MARCHF4: variants seen among roughly 807,000 people sequenced by gnomAD.
MARCHF4 encodes the protein membrane associated ring-CH-type finger 4.
Under a neutral mutation model 43.9 loss-of-function variants are expected in MARCHF4, and 14 were observed. That is an observed-to-expected ratio of 0.32 (90% confidence interval 0.21 to 0.50). The LOEUF is 0.50. Ranked by LOEUF, MARCHF4 falls within the 20% of genes least tolerant of loss-of-function variation. The pLI, the probability that MARCHF4 is intolerant of heterozygous loss-of-function variation, is 0.98. For missense variants in MARCHF4, 468 were observed against 536.7 expected (o/e 0.87, Z 1.27); for synonymous variants, 226 against 213.3 (o/e 1.06, Z -0.52).
At chr2:216,313,341 C>T (rs539452718) in intron 1 of MARCHF4, among the ~76,000 whole-genome samples, 1 of 152,172 alleles carries the variant, frequency 6.6e-6, no homozygotes, top group East Asian at 1.9e-4. Context: ...AGTTGCATTC[C>T]TTTGATTATT....
intron 1 of MARCHF4, among the ~76,000 whole-genome samples, chr2:216,306,837 TCTC>T (rs1449880098): frequency 6.6e-6 from 1 of 151,188 alleles, no homozygotes; most frequent in Non-Finnish European, 1.5e-5. Flanking sequence ...GGTGTTAAAA[TCTC>T]CTTTTTTTTC....
intron 3 of MARCHF4, among the ~76,000 whole-genome samples, chr2:216,272,259 G>A (rs1261557167): frequency 6.6e-6 from 1 of 152,068 alleles, no homozygotes; most frequent in Non-Finnish European, 1.5e-5. Context: ...GTCTTATAGG[G>A]AGATAAACCA....
At chr2:216,363,016 C>T (rs965543051) in intron 1 of MARCHF4, among the ~76,000 whole-genome samples, 2 of 152,136 alleles carry the variant, frequency 1.3e-5, no homozygotes, top group Admixed American at 6.5e-5. Flanking sequence ...CTCCCTCCAA[C>T]CTCCTCTCCC....
intron 1 of MARCHF4, among the ~76,000 whole-genome samples, chr2:216,306,973 C>CTCTG (rs1235804525): frequency 3.3e-5 from 5 of 152,044 alleles, no homozygotes; most frequent in African/African-American, 1.2e-4. Context: ...TCCTCTCTCT[C>CTCTG]TCTCTCACAC....
chr2:216,334,712 C>T (rs544203176), intron 1 of MARCHF4, among the ~76,000 whole-genome samples: 1 of 152,242 alleles, frequency 6.6e-6, no homozygotes, highest in South Asian at 2.1e-4. Context: ...CCTAAAGCTG[C>T]CTGGTTTATA....
chr2:216,315,118 G>A (rs762150636), intron 1 of MARCHF4, among the ~76,000 whole-genome samples: 2 of 152,054 alleles, frequency 1.3e-5, no homozygotes, highest in Non-Finnish European at 2.9e-5. Flanking sequence ...TCCCAAAGAA[G>A]GGGAAAAAGG....
chr2:216,265,503 C>CT lies in MARCHF4; in HGVS notation c.866-5825dup, dbSNP rs112786231. ...ACACTCTAGAACAGTGCTTTTTACACTTTTTTTTTTTTGACAGGGTCTCTC... is the reference window on the plus strand; with the variant it reads ...ACACTCTAGAACAGTGCTTTTTACACTTTTTTTTTTTTTGACAGGGTCTCTC... On this transcript the variant is annotated intron_variant, in intron 3 of 3. Coordinates refer to ENST00000273067, the MANE Select transcript of MARCHF4 (RefSeq NM_020814.3). 9.7e-3 allele frequency: 1,423 copies of CT among 146,754 alleles called. 22 individuals are homozygous for CT. The highest frequency in any genetic ancestry group is 0.03 in the African/African-American group (1,199 of 40,228). The allele number at this position is 146,754 out of a possible 1,614,324, so 9.1% of individuals were successfully genotyped here.
At chr2:216,325,876 T>A (rs1428054643) in intron 1 of MARCHF4, among the ~76,000 whole-genome samples, 4 of 145,934 alleles carry the variant, frequency 2.7e-5, no homozygotes, top group Non-Finnish European at 4.5e-5. Flanking sequence ...AACCTAGGCA[T>A]TACCATTCAG....
At chr2:216,270,019 T>A (rs914534740) in intron 3 of MARCHF4, among the ~76,000 whole-genome samples, 1 of 152,100 alleles carries the variant, frequency 6.6e-6, no homozygotes, top group Non-Finnish European at 1.5e-5. Flanking sequence ...ACTGTTCACT[T>A]CCAAATCTGT....
intron 1 of MARCHF4, among the ~76,000 whole-genome samples, chr2:216,359,349 T>G (rs1382108862): frequency 6.6e-6 from 1 of 152,194 alleles, no homozygotes; most frequent in Non-Finnish European, 1.5e-5. Context: ...TTTTATTATT[T>G]TTTCCTCTTC....
At chr2:216,321,754 C>G (rs776558399) in intron 1 of MARCHF4, 2 of 152,124 alleles carry the variant, frequency 1.3e-5, no homozygotes, top group African/African-American at 2.4e-5. Flanking sequence ...TTTTATCTTC[C>G]AATATGTCTT....
At chr2:216,323,218 C>T (rs1691933508) in intron 1 of MARCHF4, among the ~76,000 whole-genome samples, 1 of 152,110 alleles carries the variant, frequency 6.6e-6, no homozygotes, top group African/African-American at 2.4e-5. Flanking sequence ...TTTTTGCAAT[C>T]ATCCAAATGA....
At chr2:216,350,437 C>T (rs1559105521) in intron 1 of MARCHF4, among the ~76,000 whole-genome samples, 1 of 151,712 alleles carries the variant, frequency 6.6e-6, no homozygotes, top group Non-Finnish European at 1.5e-5. Context: ...TATGCCAGAA[C>T]TGCACACTAT....
At chr2:216,261,390 C>A (rs1280653393) in intron 3 of MARCHF4, among the ~76,000 whole-genome samples, 1 of 152,188 alleles carries the variant, frequency 6.6e-6, no homozygotes, top group Non-Finnish European at 1.5e-5. Flanking sequence ...ACTCTTCTGT[C>A]ATCAGATCTC....
rs1298916795 is a variant in MARCHF4, at chr2:216,371,803, G to A, written c.-1543C>T. Reference sequence around the variant, plus strand: ...GCTTCTGGAGGGTGGGGGCGGAGGAGGGCGGCTGCCGGGTCTGCTCGGCAG... The same window carrying A: ...GCTTCTGGAGGGTGGGGGCGGAGGAAGGCGGCTGCCGGGTCTGCTCGGCAG... On this transcript the variant is annotated 5_prime_UTR_variant, in exon 1 of 4. Transcript: ENST00000273067. The A allele has an allele frequency of 6.6e-6, 1 of 152,350 alleles. No homozygotes were observed. The highest frequency in any genetic ancestry group is 6.5e-5 in the Admixed American group (1 of 15,288). The allele number at this position is 152,350 out of a possible 1,614,324, so 9.4% of individuals were successfully genotyped here. A position where few individuals can be genotyped will look rare whatever the true frequency, so the allele number is the denominator to read the frequency against.
In MARCHF4 at chr2:216,367,057, A is replaced by C. The variant is rs1240027709; in HGVS notation, c.516+2688T>G. 2.0e-5 allele frequency among the ~76,000 whole-genome samples: 3 copies of C among 152,318 alleles called. No homozygotes were observed. In the East Asian group the frequency reaches 5.8e-4, roughly 29 times the overall value. ...AATATTGCAAGCTGTTGGCAGGAAAAGATCAAATACTCATTTTTTGGCAGT... is the reference window on the plus strand; with the variant it reads ...AATATTGCAAGCTGTTGGCAGGAAACGATCAAATACTCATTTTTTGGCAGT... On this transcript the variant is annotated intron_variant, in intron 1 of 3. Coordinates refer to ENST00000273067, the MANE Select transcript of MARCHF4 (RefSeq NM_020814.3).
intron 2 of MARCHF4, among the ~76,000 whole-genome samples, chr2:216,282,540 G>A (rs1315276953): frequency 6.6e-6 from 1 of 152,012 alleles, no homozygotes; most frequent in Non-Finnish European, 1.5e-5. Flanking sequence ...CCTCACTCTC[G>A]TGCTCACTAA....
intron 1 of MARCHF4, among the ~76,000 whole-genome samples, chr2:216,322,960 G>T (rs552623475): frequency 7.2e-5 from 11 of 152,292 alleles, no homozygotes; most frequent in African/African-American, 2.6e-4. Context: ...GGCCAAGAAA[G>T]TTGTAATTTT....
At chr2:216,350,469 A>G (rs1291865370) in intron 1 of MARCHF4, among the ~76,000 whole-genome samples, 2 of 150,506 alleles carry the variant, frequency 1.3e-5, no homozygotes, top group Non-Finnish European at 3.0e-5. Context: ...TTGCTTACCC[A>G]CACCATCATG....
Sources: allele counts gnomAD v4.1 joint callset (sites outside exome capture counted in the v4.1 genomes callset), GRCh38; gene constraint gnomAD v4.1.1; transcripts MANE v1.5; gene names NCBI Gene and HGNC (gene_info 2026-07-23, HGNC 2026-07-21).